The following DGCR2 variants were observed in gnomAD, a reference collection of about 807,000 sequenced individuals.
The protein encoded by DGCR2 is integral membrane protein DGCR2/IDD.
DGCR2 carries 24 observed loss-of-function variants against 51.6 expected under a neutral mutation model. That is an observed-to-expected ratio of 0.47 (90% CI 0.34 to 0.65). DGCR2 has a LOEUF of 0.65. Among genes scored for constraint, DGCR2 ranks in the 30% least tolerant of loss-of-function variants. The pLI is 0.01. For missense variants in DGCR2, 765 were observed against 772.1 expected (o/e 0.99, Z 0.11); for synonymous variants, 340 against 315.4 (o/e 1.08, Z -0.82).
In DGCR2 at chr22:19,065,070, A is replaced by G. The variant is rs200495742; in HGVS notation, c.329-3T>C. 1.7e-5 allele frequency: 28 copies of G among 1,613,456 alleles called. No individual in the cohort carries two copies. The East Asian group carries it at 6.0e-4, about 35-fold the overall frequency. On this transcript the variant is annotated splice_region_variant and splice_polypyrimidine_tract_variant and intron_variant, in intron 3 of 9. Coordinates refer to ENST00000263196, the MANE Select transcript of DGCR2 (RefSeq NM_005137.3). ...TGTCGGGCACTTCCCTAGGAAACAT[A>G]AAGGACAGAAGGGGAGTTGTCCCCC...
At chr22:19,117,713 TCA>T (rs1298375785) in intron 1 of DGCR2, among the ~76,000 whole-genome samples, 5 of 152,216 alleles carry the variant, frequency 3.3e-5, no homozygotes, top group Non-Finnish European at 7.3e-5. Context: ...TTCTCTGCAC[TCA>T]CTTTACTCTT....
At chr22:19,050,213 G>A (rs985671489) in intron 6 of DGCR2, among the ~76,000 whole-genome samples, 3 of 152,170 alleles carry the variant, frequency 2.0e-5, no homozygotes, top group African/African-American at 4.8e-5. Flanking sequence ...AAGACAAGGC[G>A]AAAATACGAA....
At position 19,112,418 on chromosome 22, in the gene DGCR2, T is replaced by C. The variant is rs185038931; in HGVS notation, c.79+9710A>G. On this transcript the variant is annotated intron_variant, in intron 1 of 9. Coordinates refer to ENST00000263196, the MANE Select transcript of DGCR2 (RefSeq NM_005137.3). ...CACTCTCAATATTATTTAATAAACATGGTTTCAAATCAAAACAGGTTTTTT... is the reference window on the plus strand; with the variant it reads ...CACTCTCAATATTATTTAATAAACACGGTTTCAAATCAAAACAGGTTTTTT... Among the ~76,000 whole-genome samples the C allele has an allele frequency of 4.1e-4, 60 of 145,944 alleles. 2 individuals carry two copies. The East Asian group carries it at 0.011, about 27-fold the overall frequency.
intron 8 of DGCR2, 100 bp from the exon 9 acceptor site, chr22:19,041,394 T>C (rs2082430395): frequency 4.2e-6 from 5 of 1,192,838 alleles, no homozygotes; most frequent in East Asian, 2.4e-5. Flanking sequence ...CTGCCGTCCC[T>C]GAGTGCACAC....
chr22:19,120,701 G>A (rs2083422434), intron 1 of DGCR2, among the ~76,000 whole-genome samples: 1 of 152,162 alleles, frequency 6.6e-6, no homozygotes, highest in Admixed American at 6.5e-5. Flanking sequence ...GCAAAACTGG[G>A]ACTCAAGAAT....
At chr22:19,040,982 G>A (rs942469306) in intron 9 of DGCR2, 76 bp downstream of exon 9, 85 of 1,323,438 alleles carry the variant, frequency 6.4e-5, no homozygotes, top group Non-Finnish European at 8.6e-5. Flanking sequence ...CTCTGCAGCT[G>A]GGCAAGAGTG....
chr22:19,062,779 A>ACTCTCACTCTCTCTCTCTCT, intron 5 of DGCR2, among the ~76,000 whole-genome samples: 1 of 127,354 alleles, frequency 7.9e-6, no homozygotes, highest in East Asian at 2.3e-4. Flanking sequence ...ATGCATGCTC[A>ACTCTCACTCTCTCTCTCTCT]CTCTCTCTCT....
chr22:19,050,697 G>A (rs2082539292), intron 6 of DGCR2, among the ~76,000 whole-genome samples: 2 of 152,212 alleles, frequency 1.3e-5, no homozygotes, highest in Admixed American at 1.3e-4. Flanking sequence ...GCCAAGAATG[G>A]CACAAAGGTG....
chr22:19,067,071 G>A (rs2082758023), intron 3 of DGCR2, among the ~76,000 whole-genome samples: 1 of 152,176 alleles, frequency 6.6e-6, no homozygotes, highest in African/African-American at 2.4e-5. Context: ...GAAACACCTG[G>A]CCCCACTCTG....
chr22:19,058,215 T>G lies in DGCR2; in HGVS notation c.626-1053A>C, dbSNP rs530006404. Among the ~76,000 whole-genome samples the G allele has an allele frequency of 5.5e-4, 84 of 152,302 alleles. No homozygotes were observed. In the Middle Eastern group the frequency reaches 0.01, roughly 19 times the overall value. On this transcript the variant is annotated intron_variant, in intron 5 of 9. Transcript: ENST00000263196. ...GTGGGCCTGTGGACACATGGTGCCC[T>G]GCCATGGGCAGGAGGACAGCTCTCA...
chr22:19,106,216 G>A (rs1006975022), intron 1 of DGCR2, among the ~76,000 whole-genome samples: 5 of 152,282 alleles, frequency 3.3e-5, no homozygotes, highest in African/African-American at 1.2e-4. Context: ...GACTTCCACG[G>A]AGGTGATGAG....
At chr22:19,063,041 CT>C (rs2082702112) in intron 5 of DGCR2, among the ~76,000 whole-genome samples, 160 bp downstream of exon 5, 1 of 152,148 alleles carries the variant, frequency 6.6e-6, no homozygotes, top group Non-Finnish European at 1.5e-5. Flanking sequence ...GCAGGCTGCA[CT>C]GGCCCCATGA....
intron 1 of DGCR2, among the ~76,000 whole-genome samples, chr22:19,096,344 G>A (rs1042676839): frequency 6.6e-6 from 1 of 152,100 alleles, no homozygotes; most frequent in African/African-American, 2.4e-5. Context: ...ACCAGAGGCT[G>A]GGAAAGGCAG....
chr22:19,040,047 G>A (rs1183222628), intron 9 of DGCR2, among the ~76,000 whole-genome samples: 1 of 152,162 alleles, frequency 6.6e-6, no homozygotes, highest in African/African-American at 2.4e-5. Flanking sequence ...GTCTCTGAAA[G>A]CTAACAGCAC....
At chr22:19,092,991 A>C (rs71328287) in intron 1 of DGCR2, among the ~76,000 whole-genome samples, 2 of 53,660 alleles carry the variant, frequency 3.7e-5, no homozygotes, top group East Asian at 8.7e-4. Context: ...AGGAAGAAAG[A>C]AGAGAAGAAG....
At position 19,041,245 on chromosome 22, in the gene DGCR2, T is replaced by A; in HGVS notation, c.1209A>T (p.Pro403=). 1 of 1,614,122 alleles carries A rather than the reference T, an allele frequency of 6.2e-7. No individual in the cohort carries two copies. Among genetic ancestry groups the A allele is most frequent in the South Asian group, 1.1e-5 (1 of 91,090 alleles). ...GCGTGAGGCCCGTGCCAAACCCGTC[T>A]GGGCCGTAATCAAAGCCAGGGATCC... The part of the protein sequence containing the change: ...GRRIPGFDYG[P]DGFGTGLTPL... The change falls in exon 9 of 10, where the codon CCA becomes CCT. Residue 403 remains proline (P), a synonymous_variant. Transcript: ENST00000263196.
chr22:19,087,670 G>A (rs1362809695), intron 2 of DGCR2, among the ~76,000 whole-genome samples: 1 of 146,146 alleles, frequency 6.8e-6, no homozygotes, highest in Non-Finnish European at 1.5e-5. Flanking sequence ...ATGAGCCACT[G>A]CACCTGGCTT....
chr22:19,074,203 T>C (rs2082848454), intron 2 of DGCR2, among the ~76,000 whole-genome samples: 1 of 151,934 alleles, frequency 6.6e-6, no homozygotes, highest in African/African-American at 2.4e-5. Flanking sequence ...AGGCAGGCGA[T>C]CGCTTAAGGT....
intron 7 of DGCR2, among the ~76,000 whole-genome samples, chr22:19,042,667 G>C (rs1380415317): frequency 6.6e-6 from 1 of 152,222 alleles, no homozygotes; most frequent in African/African-American, 2.4e-5. Context: ...TGCCGCAGCA[G>C]AGAAGGGAAT....
Sources: allele counts gnomAD v4.1 joint callset (sites outside exome capture counted in the v4.1 genomes callset), GRCh38; gene constraint gnomAD v4.1.1; transcripts MANE v1.5; gene names NCBI Gene and HGNC (gene_info 2026-07-23, HGNC 2026-07-21).